Variants in BRD10 observed in about 807,000 individuals in gnomAD.
BRD10 encodes the protein uncharacterized bromodomain-containing protein 10.
the BRD10 span, chr9:5,968,173 TTTC>T: frequency 9.3e-6 from 15 of 1,607,912 alleles, no homozygotes; most frequent in African/African-American, 2.7e-5. Flanking sequence ...TTTTTTTCTT[TTTC>T]TTCTTTTTTG....
chr9:5,969,164 G>C, the BRD10 span: 1 of 1,613,838 alleles, frequency 6.2e-7, no homozygotes. Flanking sequence ...ATGTAAGGTA[G>C]GTCTGCGATG....
At chr9:5,926,748 G>C in the BRD10 span, among the ~76,000 whole-genome samples, 1 of 152,064 alleles carries the variant, frequency 6.6e-6, no homozygotes, top group South Asian at 2.1e-4. Flanking sequence ...AGCCAGGATG[G>C]TCTTGATCTC....
chr9:5,917,649 C>T, the BRD10 span, among the ~76,000 whole-genome samples: 15 of 152,156 alleles, frequency 9.9e-5, no homozygotes, highest in African/African-American at 2.2e-4. Context: ...GTCAGGAGTT[C>T]GAGACCAGCC....
At chr9:5,944,500 A>G in the BRD10 span, among the ~76,000 whole-genome samples, 12 of 152,232 alleles carry the variant, frequency 7.9e-5, no homozygotes, top group African/African-American at 2.9e-4. Flanking sequence ...GTTACACTGA[A>G]TTAAAATTTT....
the BRD10 span, among the ~76,000 whole-genome samples, chr9:5,973,863 C>T: frequency 6.6e-6 from 1 of 152,132 alleles, no homozygotes; most frequent in African/African-American, 2.4e-5. Flanking sequence ...GCCTGGGCAA[C>T]AGAGCAAGAC....
the BRD10 span, among the ~76,000 whole-genome samples, chr9:5,939,090 T>C: frequency 2.0e-5 from 3 of 152,104 alleles, no homozygotes; most frequent in Admixed American, 6.5e-5. Flanking sequence ...TATCCTTCAA[T>C]AGAATAGAAT....
At chr9:5,986,782 T>C in the BRD10 span, among the ~76,000 whole-genome samples, 3 of 152,214 alleles carry the variant, frequency 2.0e-5, no homozygotes, top group Non-Finnish European at 4.4e-5. Flanking sequence ...CCATGTTTAT[T>C]TGATGTCAGG....
At chr9:5,991,113 T>C in the BRD10 span, among the ~76,000 whole-genome samples, 6 of 152,154 alleles carry the variant, frequency 3.9e-5, no homozygotes, top group Non-Finnish European at 7.4e-5. Context: ...AAGAAGTTTC[T>C]GAACAAAATA....
the BRD10 span, chr9:5,919,515 G>A: frequency 1.8e-6 from 1 of 559,264 alleles, no homozygotes; most frequent in South Asian, 2.8e-5. Context: ...ACAAAGCCTT[G>A]TTGCAAGCTA....
At chr9:5,946,294 G>A in the BRD10 span, among the ~76,000 whole-genome samples, 5 of 151,926 alleles carry the variant, frequency 3.3e-5, no homozygotes, top group African/African-American at 1.2e-4. Flanking sequence ...ACCAAGTAGG[G>A]AAAATATGTA....
chr9:5,975,149 A>C, the BRD10 span, among the ~76,000 whole-genome samples: 2 of 152,124 alleles, frequency 1.3e-5, no homozygotes, highest in Non-Finnish European at 2.9e-5. Context: ...AGAACTAGCA[A>C]TAAGGGCTGG....
the BRD10 span, among the ~76,000 whole-genome samples, chr9:5,884,510 G>A: frequency 3.3e-5 from 5 of 152,152 alleles, no homozygotes; most frequent in Admixed American, 6.5e-5. Context: ...TCACCTTCCC[G>A]TCCTCACCCG....
At chr9:5,939,218 G>A in the BRD10 span, among the ~76,000 whole-genome samples, 10 of 151,876 alleles carry the variant, frequency 6.6e-5, no homozygotes, top group African/African-American at 9.7e-5. Context: ...CTTATTACAC[G>A]TAGTTTTATA....
the BRD10 span, among the ~76,000 whole-genome samples, chr9:5,981,567 A>G: frequency 3.3e-5 from 5 of 152,274 alleles, no homozygotes; most frequent in South Asian, 2.1e-4. Flanking sequence ...CTATCTATCT[A>G]TCCATCCATC....
the BRD10 span, among the ~76,000 whole-genome samples, chr9:5,978,407 AAAAG>A: frequency 6.6e-6 from 1 of 151,914 alleles, no homozygotes; most frequent in African/African-American, 2.4e-5. Flanking sequence ...AAAAAAAAAA[AAAAG>A]GAGTTTTAAG....
the BRD10 span, chr9:5,897,473 TGAAGAG>T: frequency 7.7e-7 from 1 of 1,293,734 alleles, no homozygotes. Flanking sequence ...AAAGTCCATA[TGAAGAG>T]GAAGACTGAT....
the BRD10 span, among the ~76,000 whole-genome samples, chr9:5,982,170 T>C: frequency 6.6e-6 from 1 of 152,190 alleles, no homozygotes; most frequent in Non-Finnish European, 1.5e-5. Flanking sequence ...TAAAAATGCA[T>C]GGAAATGACC....
the BRD10 span, among the ~76,000 whole-genome samples, chr9:5,934,584 T>G: frequency 6.6e-6 from 1 of 152,080 alleles, no homozygotes; most frequent in Non-Finnish European, 1.5e-5. Flanking sequence ...CAGGCTGGTC[T>G]TGAACTTCTG....
the BRD10 span, among the ~76,000 whole-genome samples, chr9:5,985,016 C>A: frequency 6.6e-6 from 1 of 151,240 alleles, no homozygotes; most frequent in East Asian, 1.9e-4. Flanking sequence ...TCAAGACTTA[C>A]TGTAAAGTTA....
Sources: gnomAD v4.1 joint callset for allele counts (sites outside exome capture counted in the v4.1 genomes callset) on GRCh38, gnomAD v4.1.1 for gene constraint, MANE v1.5 for transcripts, NCBI Gene and HGNC (gene_info 2026-07-23, HGNC 2026-07-21) for gene names.